The following GALNTL6 variants were observed in gnomAD, a reference collection of about 807,000 sequenced individuals.
The protein encoded by GALNTL6 is polypeptide N-acetylgalactosaminyltransferase-like 6.
Under a neutral mutation model 73.7 loss-of-function variants are expected in GALNTL6, and 46 were observed. The ratio of observed to expected loss-of-function variants is 0.62; its 90% CI spans 0.49 to 0.80. The LOEUF (loss-of-function observed/expected upper bound fraction) is 0.80. Ranked by LOEUF, GALNTL6 falls within the 30% of genes least tolerant of loss-of-function variation. GALNTL6 has a pLI of 0.00. For synonymous variants in GALNTL6, 259 were observed against 263.7 expected, an observed-to-expected ratio of 0.98 and a Z score of 0.17; for missense variants, 604 against 755.0, an observed-to-expected ratio of 0.80 and a Z score of 2.34.
chr4:171,957,465 A>G (rs574427531), intron 2 of GALNTL6, among the ~76,000 whole-genome samples: 2 of 152,354 alleles, frequency 1.3e-5, no homozygotes, highest in African/African-American at 4.8e-5. Context: ...ATTTATGGAC[A>G]GCCAACCTTG....
intron 5 of GALNTL6, among the ~76,000 whole-genome samples, chr4:172,449,668 T>C (rs1732142798): frequency 6.6e-6 from 1 of 152,278 alleles, no homozygotes; most frequent in South Asian, 2.1e-4. Flanking sequence ...ACTTCTCTCC[T>C]ATCAAACTTC....
At chr4:172,544,429 C>T (rs1450257380) in intron 5 of GALNTL6, among the ~76,000 whole-genome samples, 1 of 152,212 alleles carries the variant, frequency 6.6e-6, no homozygotes, top group Non-Finnish European at 1.5e-5. Flanking sequence ...TAAATATTCT[C>T]ATCTGCCACC....
At chr4:172,567,246 T>G (rs1736587767) in intron 5 of GALNTL6, among the ~76,000 whole-genome samples, 1 of 152,070 alleles carries the variant, frequency 6.6e-6, no homozygotes, top group African/African-American at 2.4e-5. Flanking sequence ...GAACTCATTT[T>G]CATTGTGAGA....
intron 10 of GALNTL6, among the ~76,000 whole-genome samples, chr4:172,960,028 C>T (rs948262957): frequency 6.6e-6 from 1 of 152,152 alleles, no homozygotes; most frequent in African/African-American, 2.4e-5. Context: ...TAATTAAGTC[C>T]TGTTGTGGGG....
At chr4:172,849,076 C>T (rs569286002) in intron 7 of GALNTL6, among the ~76,000 whole-genome samples, 4 of 152,110 alleles carry the variant, frequency 2.6e-5, no homozygotes, top group East Asian at 1.9e-4. Flanking sequence ...AAGGAAAAAA[C>T]GTTAACAAGT....
chr4:172,537,807 T>G (rs1735401617), intron 5 of GALNTL6, among the ~76,000 whole-genome samples: 1 of 152,198 alleles, frequency 6.6e-6, no homozygotes, highest in African/African-American at 2.4e-5. Flanking sequence ...TATATAAATC[T>G]AGTGAAACCA....
At chr4:171,835,734 T>C (rs1326677265) in intron 2 of GALNTL6, among the ~76,000 whole-genome samples, 1 of 151,994 alleles carries the variant, frequency 6.6e-6, no homozygotes, top group African/African-American at 2.4e-5. Flanking sequence ...GTTACAAGTA[T>C]ATGTCTACAA....
chr4:172,295,521 C>CT (rs1561011232), intron 3 of GALNTL6, among the ~76,000 whole-genome samples: 1 of 86,206 alleles, frequency 1.2e-5, no homozygotes, highest in Admixed American at 1.2e-4. Flanking sequence ...TTCTTCTTTT[C>CT]TTTTTTTAGG....
intron 5 of GALNTL6, among the ~76,000 whole-genome samples, chr4:172,534,788 G>A (rs553482526): frequency 8.5e-5 from 13 of 152,092 alleles, no homozygotes; most frequent in Admixed American, 3.9e-4. Context: ...GGCTGGTCTC[G>A]AACTCCTGAC....
intron 8 of GALNTL6, among the ~76,000 whole-genome samples, chr4:172,904,610 T>C (rs1272528357): frequency 6.6e-6 from 1 of 152,096 alleles, no homozygotes; most frequent in African/African-American, 2.4e-5. Flanking sequence ...TCTTAGAGAG[T>C]TGGTCCTCTC....
chr4:172,245,674 T>C (rs1737633405), intron 3 of GALNTL6, among the ~76,000 whole-genome samples: 1 of 152,206 alleles, frequency 6.6e-6, no homozygotes, highest in Admixed American at 6.5e-5. Context: ...AAGTGAGTAC[T>C]TGAACATCCT....
chr4:172,489,941 A>C (rs2110742898), intron 5 of GALNTL6, among the ~76,000 whole-genome samples: 1 of 152,330 alleles, frequency 6.6e-6, no homozygotes, highest in African/African-American at 2.4e-5. Flanking sequence ...ATACTGAAAA[A>C]GAGGAGTTAA....
chr4:172,531,319 G>A (rs1242063609), intron 5 of GALNTL6, among the ~76,000 whole-genome samples: 1 of 152,198 alleles, frequency 6.6e-6, no homozygotes, highest in Non-Finnish European at 1.5e-5. Flanking sequence ...AACTGAAAAG[G>A]TGATGGGCAG....
chr4:172,927,736 G>A (rs1402413042), intron 8 of GALNTL6, among the ~76,000 whole-genome samples: 5 of 152,038 alleles, frequency 3.3e-5, no homozygotes, highest in Admixed American at 3.3e-4. Context: ...TTTTCACAAT[G>A]GAGTAGCCTC....
rs771397583 is a variant in GALNTL6 at position 172,592,666 on chromosome 4, G to GTCTATCTATCTA, written c.554-216692_554-216691insATCTATCTATCT. Among the ~76,000 whole-genome samples the GTCTATCTATCTA allele has an allele frequency of 2.7e-4, 29 of 109,412 alleles. 1 individual carries two copies. The highest frequency in any genetic ancestry group is 8.9e-4 in the South Asian group (3 of 3,388). 71.8% of individuals were successfully genotyped at this position (109,412 alleles called of 152,430 possible). ...TACTCAAATCTATATCTGTCTGTCT[G>GTCTATCTATCTA]TCTGTCTATCTATCTATCTATCTAT... On this transcript the variant is annotated intron_variant, in intron 5 of 12. Coordinates refer to ENST00000506823, the MANE Select transcript of GALNTL6 (RefSeq NM_001034845.3).
intron 5 of GALNTL6, among the ~76,000 whole-genome samples, chr4:172,572,556 A>C (rs1244855851): frequency 6.6e-6 from 1 of 152,082 alleles, no homozygotes; most frequent in Non-Finnish European, 1.5e-5. Flanking sequence ...TTTTTACATA[A>C]ATAATTCTGA....
intron 2 of GALNTL6, among the ~76,000 whole-genome samples, chr4:172,041,772 G>A (rs999361144): frequency 4.6e-5 from 7 of 152,036 alleles, no homozygotes; most frequent in East Asian, 1.9e-4. Context: ...GATGAAAGAC[G>A]GCCGCAAATA....
Position 172,119,205 on chromosome 4 carries a change from C to T in GALNTL6, c.139-110451C>T, listed in dbSNP as rs140362745. The stretch of plus-strand genomic sequence containing the variant: ...ATAATTTGTGGCATCATTTTTATTG[C>T]GCATTCATGGCTCATATCAGTTTAA... On this transcript the variant is annotated intron_variant, in intron 2 of 12. Transcript: ENST00000506823. Among the ~76,000 whole-genome samples the T allele has an allele frequency of 8.5e-5, 13 of 152,144 alleles. No individual in the cohort carries two copies. The East Asian group carries it at 1.5e-3, about 18-fold the overall frequency.
chr4:172,606,622 T>C (rs1178307256), intron 5 of GALNTL6, among the ~76,000 whole-genome samples: 2 of 45,934 alleles, frequency 4.4e-5, no homozygotes, highest in African/African-American at 1.1e-4. Context: ...ATATATAGTA[T>C]ATATATACTA....
Sources: gnomAD v4.1 joint callset for allele counts (sites outside exome capture counted in the v4.1 genomes callset) on GRCh38, gnomAD v4.1.1 for gene constraint, MANE v1.5 for transcripts, NCBI Gene and HGNC (gene_info 2026-07-23, HGNC 2026-07-21) for gene names.